TRPM6: variants seen among roughly 807,000 people sequenced by gnomAD.
TRPM6 encodes channel kinase 2.
Under a neutral mutation model 247.6 loss-of-function variants are expected in TRPM6, and 111 were observed. The observed-to-expected ratio is 0.45, with a 90% CI of 0.38 to 0.52. The LOEUF (loss-of-function observed/expected upper bound fraction) is 0.52, where lower values mean the gene tolerates loss of function less well. Among genes scored for constraint, TRPM6 ranks in the 20% least tolerant of loss-of-function variants. The pLI, the probability that TRPM6 is intolerant of heterozygous loss-of-function variation, is 0.00. For missense variants in TRPM6, 2,126 were observed against 2,421.5 expected, an observed-to-expected ratio of 0.88 and a Z score of 2.56; for synonymous variants, 892 against 853.8, an observed-to-expected ratio of 1.04 and a Z score of -0.78.
At chr9:74,883,920 T>A (rs1256363395) in intron 1 of TRPM6, among the ~76,000 whole-genome samples, 1 of 152,056 alleles carries the variant, frequency 6.6e-6, no homozygotes, top group Non-Finnish European at 1.5e-5. Flanking sequence ...AAGGCCGAGG[T>A]GGGTGGATCA....
chr9:74,733,050 C>T (rs1030186314), intron 36 of TRPM6, among the ~76,000 whole-genome samples: 16 of 151,748 alleles, frequency 1.1e-4, no homozygotes, highest in Non-Finnish European at 1.5e-4. Context: ...AAAAATTAGC[C>T]GGGTTTGGTG....
intron 11 of TRPM6, among the ~76,000 whole-genome samples, chr9:74,815,214 C>A (rs1331235900): frequency 6.6e-6 from 1 of 151,764 alleles, no homozygotes; most frequent in Non-Finnish European, 1.5e-5. Flanking sequence ...TACAGAGACT[C>A]ACAACAACAC....
Position 74,842,292 on chromosome 9 carries a change from C to A in TRPM6, c.204G>T (p.Trp68Cys). The change falls in exon 4 of 39, where the codon TGG (tryptophan) becomes TGT (cysteine). Residue 68 changes from tryptophan to cysteine, a missense_variant. Around this residue, in one of 3 missense-constraint regions of TRPM6, gnomAD observed 1,082 missense variants for 1,307.9 expected, o/e 0.83. Coordinates refer to ENST00000360774, the MANE Select transcript of TRPM6 (RefSeq NM_017662.5). ...IGDHAGIDYS[W>C]TISAAKGKES... is the part of the protein sequence containing the mutation. ...CTTTACCCTTGGCAGCTGAGATGGT[C>A]CAGGAATAATCTATCCCAGCATGGT... 1 of 1,613,992 alleles carries A rather than the reference C, an allele frequency of 6.2e-7. No individual in the cohort carries two copies. The highest frequency in any genetic ancestry group is 8.5e-7 in the Non-Finnish European group (1 of 1,180,008).
intron 25 of TRPM6, among the ~76,000 whole-genome samples, chr9:74,764,276 T>C (rs1446179825): frequency 2.0e-5 from 3 of 152,178 alleles, no homozygotes; most frequent in Admixed American, 6.5e-5. Flanking sequence ...AACCATAGAA[T>C]GTGACCTGAT....
intron 33 of TRPM6, 107 bp from the exon 34 acceptor site, chr9:74,740,116 G>A (rs1370466217): frequency 1.6e-5 from 20 of 1,257,856 alleles, no homozygotes; most frequent in Non-Finnish European, 9.0e-6. Context: ...CAAATGACCA[G>A]AGGAGAATGG....
intron 1 of TRPM6, among the ~76,000 whole-genome samples, chr9:74,880,128 T>C (rs1284033023): frequency 6.6e-6 from 1 of 151,898 alleles, no homozygotes; most frequent in Non-Finnish European, 1.5e-5. Context: ...AGAGGAGAAA[T>C]GAGGATTTTT....
chr9:74,796,886 A>C lies in TRPM6; in HGVS notation c.2246T>G (p.Ile749Arg). The change falls in exon 18 of 39, where the codon ATA (isoleucine) becomes AGA (arginine). Residue 749 changes from isoleucine (I) to arginine (R), a missense_variant. Ile to Arg is a moderately conservative substitution (Grantham distance 97). Transcript: ENST00000360774. ...MRKNSWLKII[I>R]SIILPPTILT... ...AATGGTGGGTGGTAAAATAATGCTT[A>C]TAATAATCTGTAAAAGAAAAAAAAG... is the stretch of plus-strand genomic sequence containing the variant. 6.2e-7 allele frequency: 1 copy of C among 1,613,710 alleles called. No homozygotes were observed. Among genetic ancestry groups the C allele is most frequent in the African/African-American group, 1.3e-5 (1 of 75,046 alleles).
chr9:74,730,446 G>A (rs1014408785), intron 37 of TRPM6, among the ~76,000 whole-genome samples: 1 of 152,156 alleles, frequency 6.6e-6, no homozygotes. Flanking sequence ...CTCCTCATAG[G>A]AACGTTACCA....
chr9:74,816,938 T>G lies in TRPM6; in HGVS notation c.1161A>C (p.Glu387Asp). The change falls in exon 10 of 39, where the codon GAA becomes GAC. Residue 387 changes from glutamate (E) to aspartate (D), a missense_variant. By Grantham distance (45) the Glu-to-Asp change is conservative. Transcript: ENST00000360774. ...TTGCTAAGTCCAGGTCTTGCTGCTC[T>G]TCAGAGTCAGCATCAAATATGGTAA... ...DCITIFDADS[E>D]EQQDLDLAIL... 2 of 1,614,088 alleles carry G rather than the reference T, an allele frequency of 1.2e-6. No individual in the cohort carries two copies. The highest frequency in any genetic ancestry group is 2.2e-5 in the South Asian group (2 of 91,082).
chr9:74,831,444 C>T (rs1474746215), intron 6 of TRPM6, among the ~76,000 whole-genome samples: 1 of 151,944 alleles, frequency 6.6e-6, no homozygotes, highest in African/African-American at 2.4e-5. Flanking sequence ...GAGCTGAGAT[C>T]GTGCCACCAC....
intron 7 of TRPM6, 109 bp downstream of exon 7, chr9:74,827,669 G>T: frequency 2.6e-6 from 3 of 1,158,568 alleles, no homozygotes; most frequent in Non-Finnish European, 3.9e-6. Context: ...GTATTAAGGA[G>T]GCTAGCTTGA....
chr9:74,852,250 T>C (rs1453559323), intron 3 of TRPM6, among the ~76,000 whole-genome samples: 1 of 151,954 alleles, frequency 6.6e-6, no homozygotes, highest in Admixed American at 6.6e-5. Context: ...TGAGACAGGA[T>C]CTTGCTGCGT....
intron 1 of TRPM6, among the ~76,000 whole-genome samples, chr9:74,882,732 C>A (rs1048827225): frequency 6.6e-6 from 1 of 152,142 alleles, no homozygotes; most frequent in African/African-American, 2.4e-5. Flanking sequence ...AATGGAATTA[C>A]CATTCAATCC....
At chr9:74,822,648 T>C (rs1207619682) in intron 7 of TRPM6, among the ~76,000 whole-genome samples, 1 of 152,136 alleles carries the variant, frequency 6.6e-6, no homozygotes, top group Non-Finnish European at 1.5e-5. Context: ...TTTTTTATTG[T>C]TTGAATTTTT....
At chr9:74,793,930 G>T (rs1056121264) in intron 18 of TRPM6, among the ~76,000 whole-genome samples, 1 of 152,166 alleles carries the variant, frequency 6.6e-6, no homozygotes, top group Non-Finnish European at 1.5e-5. Flanking sequence ...AGGCAGAGCA[G>T]GAGTTGCCTG....
At chr9:74,884,199 A>G (rs1831454586) in intron 1 of TRPM6, among the ~76,000 whole-genome samples, 1 of 152,116 alleles carries the variant, frequency 6.6e-6, no homozygotes, top group African/African-American at 2.4e-5. Flanking sequence ...AATAATAAAT[A>G]CATATGTATG....
Position 74,799,993 on chromosome 9 carries a change from T to C in TRPM6, c.2238+261A>G, listed in dbSNP as rs1435095829. On this transcript the variant is annotated intron_variant, in intron 17 of 38. Coordinates refer to ENST00000360774, the MANE Select transcript of TRPM6 (RefSeq NM_017662.5). ...GCTAGGCAGGTGTCCCCTTCCTCCC[T>C]CACCACTCCATGTGCATCCCTCCCA... 11 of 496,464 alleles carry C rather than the reference T, an allele frequency of 2.2e-5. No homozygotes were observed. In the East Asian group the frequency reaches 4.2e-4, roughly 19 times the overall value. The allele number at this position is 496,464 out of a possible 1,614,324, so 30.8% of individuals were successfully genotyped here.
chr9:74,781,499 T>C (rs1402124859), intron 23 of TRPM6, among the ~76,000 whole-genome samples: 1 of 125,168 alleles, frequency 8.0e-6, no homozygotes, highest in East Asian at 2.4e-4. Flanking sequence ...TCACACCAAC[T>C]GCACTCCAGC....
intron 37 of TRPM6, among the ~76,000 whole-genome samples, chr9:74,732,092 T>C (rs1445668508): frequency 6.6e-6 from 1 of 152,220 alleles, no homozygotes; most frequent in East Asian, 1.9e-4. Context: ...AAAAACCTGC[T>C]TCTGGGATAA....
Sources: gnomAD v4.1 joint callset for allele counts (sites outside exome capture counted in the v4.1 genomes callset) on GRCh38, gnomAD v4.1.1 for gene constraint, gnomAD v4.1.1 regional missense constraint, MANE v1.5 for transcripts, NCBI Gene and HGNC (gene_info 2026-07-23, HGNC 2026-07-21) for gene names.